C8orf34: variants seen among roughly 807,000 people sequenced by gnomAD.
The protein encoded by C8orf34 is uncharacterized protein C8orf34.
A neutral mutation model predicts 68.3 loss-of-function variants in C8orf34; 65 were observed. That is an observed-to-expected ratio of 0.95 (90% confidence interval 0.78 to 1.17). The LOEUF (loss-of-function observed/expected upper bound fraction) is 1.17, where lower values mean the gene tolerates loss of function less well. C8orf34 is among the 50% of genes most tolerant of loss of function. The pLI, the probability that C8orf34 is intolerant of heterozygous loss-of-function variation, is 0.00. For synonymous variants in C8orf34, 244 were observed against 241.2 expected (o/e 1.01, Z -0.11); for missense variants, 664 against 655.4 (o/e 1.01, Z -0.14).
intron 7 of C8orf34, among the ~76,000 whole-genome samples, chr8:68,596,939 G>T (rs946882392): frequency 3.3e-5 from 5 of 152,142 alleles, no homozygotes; most frequent in African/African-American, 4.8e-5. Context: ...ATAATTTAAA[G>T]AACTTCTCAA....
At chr8:68,332,453 G>T (rs1160558052) in intron 1 of C8orf34, among the ~76,000 whole-genome samples, 1 of 150,680 alleles carries the variant, frequency 6.6e-6, no homozygotes, top group African/African-American at 2.5e-5. Flanking sequence ...TGAGGGCTTG[G>T]TATGGGGAGG....
At chr8:68,567,575 A>ATTTTTTTTTTTTTTTTTTTTTTTTTTTT (rs1563534685) in intron 7 of C8orf34, among the ~76,000 whole-genome samples, 1 of 33,044 alleles carries the variant, frequency 3.0e-5, no homozygotes, top group South Asian at 1.1e-3. Flanking sequence ...TGTTTCATTT[A>ATTTTTTTTTTTTTTTTTTTTTTTTTTTT]TCTTTTTTTT....
intron 11 of C8orf34, 130 bp from the exon 12 acceptor site, chr8:68,787,313 C>T (rs926220879): frequency 1.3e-4 from 70 of 556,276 alleles, no homozygotes; most frequent in Non-Finnish European, 1.7e-4. Flanking sequence ...TAGAGCTCTC[C>T]TTTTTTTAAT....
chr8:68,728,970 T>C (rs1469257617), intron 10 of C8orf34, among the ~76,000 whole-genome samples: 1 of 152,224 alleles, frequency 6.6e-6, no homozygotes, highest in Non-Finnish European at 1.5e-5. Flanking sequence ...ATATGCCATA[T>C]TTCCCAAGGT....
intron 5 of C8orf34, among the ~76,000 whole-genome samples, chr8:68,501,098 G>A (rs1057264998): frequency 6.6e-6 from 1 of 152,128 alleles, no homozygotes; most frequent in Non-Finnish European, 1.5e-5. Flanking sequence ...TGCCCCTTCT[G>A]CTCTGTGGTC....
intron 12 of C8orf34, chr8:68,792,072 A>G (rs1824010181): frequency 6.6e-6 from 1 of 152,150 alleles, no homozygotes. Flanking sequence ...TCATGTGTAA[A>G]TGTAAGAACT....
intron 7 of C8orf34, among the ~76,000 whole-genome samples, chr8:68,607,627 T>C (rs1391654904): frequency 6.6e-6 from 1 of 152,146 alleles, no homozygotes; most frequent in Non-Finnish European, 1.5e-5. Context: ...TTTCAGCCCA[T>C]GACACCTACT....
chr8:68,541,097 T>G (rs555225405), intron 7 of C8orf34, among the ~76,000 whole-genome samples: 17 of 152,242 alleles, frequency 1.1e-4, no homozygotes, highest in African/African-American at 3.9e-4. Context: ...TTAATAACAA[T>G]ACTCATATCT....
At chr8:68,711,969 C>A (rs1352964063) in intron 9 of C8orf34, among the ~76,000 whole-genome samples, 2 of 152,118 alleles carry the variant, frequency 1.3e-5, no homozygotes, top group African/African-American at 2.4e-5. Flanking sequence ...GAAAACCTAT[C>A]AGATTAATAG....
At chr8:68,706,949 A>T (rs921027305) in intron 8 of C8orf34, among the ~76,000 whole-genome samples, 2 of 152,216 alleles carry the variant, frequency 1.3e-5, no homozygotes, top group African/African-American at 4.8e-5. Context: ...GAAAAGGAGG[A>T]GCAGCCAACA....
intron 4 of C8orf34, among the ~76,000 whole-genome samples, chr8:68,481,862 G>A (rs776066281): frequency 6.6e-6 from 1 of 152,170 alleles, no homozygotes; most frequent in Non-Finnish European, 1.5e-5. Flanking sequence ...GACTTGCCTT[G>A]TCTCAGATAA....
At chr8:68,540,174 A>C (rs1418252699) in intron 7 of C8orf34, among the ~76,000 whole-genome samples, 2 of 151,986 alleles carry the variant, frequency 1.3e-5, no homozygotes, top group African/African-American at 4.8e-5. Flanking sequence ...ATAGAGGAGC[A>C]CTAAAGAACA....
chr8:68,425,405 G>A (rs1810165698), intron 1 of C8orf34, among the ~76,000 whole-genome samples: 1 of 152,128 alleles, frequency 6.6e-6, no homozygotes, highest in Non-Finnish European at 1.5e-5. Flanking sequence ...CTACAACTAA[G>A]TGAGTTCAAT....
chr8:68,602,864 T>A (rs1586434755), intron 7 of C8orf34, among the ~76,000 whole-genome samples: 1 of 152,042 alleles, frequency 6.6e-6, no homozygotes, highest in African/African-American at 2.4e-5. Context: ...GTAGGGCAGG[T>A]ATTGCCCCCC....
intron 3 of C8orf34, among the ~76,000 whole-genome samples, chr8:68,465,034 T>G (rs1309603256): frequency 6.6e-6 from 1 of 151,084 alleles, no homozygotes; most frequent in African/African-American, 2.4e-5. Context: ...TGGGAGAAAA[T>G]TTTCGCAACC....
At chr8:68,756,381 A>T (rs1822861051) in intron 10 of C8orf34, among the ~76,000 whole-genome samples, 1 of 152,148 alleles carries the variant, frequency 6.6e-6, no homozygotes, top group Admixed American at 6.5e-5. Context: ...CTGGCCTATG[A>T]TTCTAGAAAA....
intron 7 of C8orf34, among the ~76,000 whole-genome samples, chr8:68,568,583 G>A (rs186698457): frequency 2.6e-5 from 4 of 151,994 alleles, no homozygotes; most frequent in Admixed American, 2.0e-4. Flanking sequence ...TCTGTGAAGT[G>A]CAATAAAATA....
chr8:68,698,029 C>T (rs916336352), intron 8 of C8orf34, among the ~76,000 whole-genome samples: 5 of 151,950 alleles, frequency 3.3e-5, no homozygotes, highest in Admixed American at 2.0e-4. Context: ...TGGGGTTTTC[C>T]GGAGTTCCTT....
intron 1 of C8orf34, among the ~76,000 whole-genome samples, chr8:68,397,652 A>G (rs2129621122): frequency 6.6e-6 from 1 of 152,266 alleles, no homozygotes; most frequent in Non-Finnish European, 1.5e-5. Flanking sequence ...ATCCTTGTGC[A>G]TTTATCATTT....
Sources: gnomAD v4.1 joint callset for allele counts (sites outside exome capture counted in the v4.1 genomes callset) on GRCh38, gnomAD v4.1.1 for gene constraint, MANE v1.5 for transcripts, NCBI Gene and HGNC (gene_info 2026-07-23, HGNC 2026-07-21) for gene names.